The following OR2C1 variants were observed in gnomAD, a reference collection of about 807,000 sequenced individuals.
OR2C1 encodes olfactory receptor family 2 subfamily C member 1, also known as olfactory receptor 2C1.
For synonymous variants in OR2C1, 209 were observed against 167.3 expected (o/e 1.25, Z -1.92); for missense variants, 468 against 388.3 (o/e 1.21, Z -1.73).
chr16:3,330,042 C>T, the OR2C1 span, among the ~76,000 whole-genome samples: 12 of 151,424 alleles, frequency 7.9e-5, no homozygotes, highest in Middle Eastern at 3.5e-3. Flanking sequence ...CATGAGCCAC[C>T]GCGCCTGGCC....
At chr16:3,326,175 C>T in the OR2C1 span, among the ~76,000 whole-genome samples, 12 of 151,924 alleles carry the variant, frequency 7.9e-5, no homozygotes, top group South Asian at 2.1e-4. Flanking sequence ...GTGATTGGCC[C>T]GCCTCGCCCT....
the OR2C1 span, among the ~76,000 whole-genome samples, chr16:3,339,024 C>G: frequency 7.2e-5 from 11 of 152,162 alleles, no homozygotes; most frequent in Admixed American, 7.2e-4. Context: ...TTTCCCCTCC[C>G]CACAGTCCTT....
chr16:3,325,963 C>T, the OR2C1 span, among the ~76,000 whole-genome samples: 2 of 144,810 alleles, frequency 1.4e-5, no homozygotes, highest in Non-Finnish European at 3.0e-5. Context: ...CAAAGTCTCA[C>T]TCTGTTGCCC....
the OR2C1 span, among the ~76,000 whole-genome samples, chr16:3,334,749 T>G: frequency 2.0e-5 from 3 of 151,982 alleles, no homozygotes; most frequent in Admixed American, 2.0e-4. Flanking sequence ...TTTATGCCAG[T>G]ACCATGCTGA....
At chr16:3,346,624 C>CATT in the OR2C1 span, among the ~76,000 whole-genome samples, 2 of 128,054 alleles carry the variant, frequency 1.6e-5, no homozygotes, top group African/African-American at 2.9e-5. Flanking sequence ...GTCCATGCAT[C>CATT]TTTTTTTTTT....
At chr16:3,339,680 T>C in the OR2C1 span, among the ~76,000 whole-genome samples, 1 of 152,050 alleles carries the variant, frequency 6.6e-6, no homozygotes, top group Non-Finnish European at 1.5e-5. Context: ...ATGGTCTCGA[T>C]CTCTTGACCT....
the OR2C1 span, among the ~76,000 whole-genome samples, chr16:3,333,492 C>A: frequency 3.3e-5 from 5 of 151,868 alleles, no homozygotes; most frequent in Non-Finnish European, 7.4e-5. Flanking sequence ...CCCACTACCG[C>A]GCCCGGCTAG....
At chr16:3,327,924 G>T in the OR2C1 span, among the ~76,000 whole-genome samples, 1 of 151,872 alleles carries the variant, frequency 6.6e-6, no homozygotes, top group Non-Finnish European at 1.5e-5. Context: ...CTCCCTCTTA[G>T]TAAACCTGCT....
the OR2C1 span, among the ~76,000 whole-genome samples, chr16:3,329,811 G>A: frequency 1.5e-5 from 2 of 134,028 alleles, no homozygotes; most frequent in African/African-American, 5.8e-5. Flanking sequence ...CTGGAGTGCA[G>A]TGGCGCAATC....
chr16:3,349,426 C>A, the OR2C1 span, among the ~76,000 whole-genome samples: 4 of 152,140 alleles, frequency 2.6e-5, no homozygotes, highest in Non-Finnish European at 5.9e-5. Context: ...CGACCCAGTG[C>A]TACTCCAGGG....
chr16:3,322,967 T>G, the OR2C1 span: 2 of 983,416 alleles, frequency 2.0e-6, no homozygotes. Flanking sequence ...AGGCAGCCAA[T>G]GTAGAAAATG....
At chr16:3,345,411 A>G in the OR2C1 span, among the ~76,000 whole-genome samples, 32 of 152,062 alleles carry the variant, frequency 2.1e-4, no homozygotes, top group South Asian at 2.1e-3. Flanking sequence ...ACGTGAACCC[A>G]GGAGGCAGAG....
At chr16:3,344,876 C>T in the OR2C1 span, among the ~76,000 whole-genome samples, 8 of 152,082 alleles carry the variant, frequency 5.3e-5, no homozygotes, top group East Asian at 3.9e-4. Flanking sequence ...TATTATTCAG[C>T]ATTGTCAATT....
At chr16:3,352,908 A>AT (rs113431996), upstream of OR2C1, among the ~76,000 whole-genome samples, 10,864 of 150,398 alleles carry the variant, frequency 0.072, 462 homozygotes, top group African/African-American at 0.11. Context: ...CGCCCGGATA[A>AT]TTTTTTTTTA....
the OR2C1 span, among the ~76,000 whole-genome samples, chr16:3,347,271 G>T: frequency 3.7e-5 from 5 of 136,222 alleles, no homozygotes; most frequent in Non-Finnish European, 6.3e-5. Flanking sequence ...AAAAAAAGGA[G>T]CCAAGGATGG....
the OR2C1 span, chr16:3,323,017 C>A: frequency 1.3e-6 from 1 of 749,656 alleles, no homozygotes; most frequent in Non-Finnish European, 1.6e-6. Flanking sequence ...ATGAGAGGTA[C>A]TTGCCATGAA....
the OR2C1 span, among the ~76,000 whole-genome samples, chr16:3,340,762 A>G: frequency 3.3e-5 from 5 of 152,256 alleles, no homozygotes; most frequent in East Asian, 5.8e-4. Flanking sequence ...GGGGTTATTT[A>G]TGGCTATATA....
At chr16:3,352,117 A>T (rs60610964), upstream of OR2C1, among the ~76,000 whole-genome samples, 3,657 of 151,916 alleles carry the variant, frequency 0.024, 148 homozygotes, top group African/African-American at 0.08. Flanking sequence ...TGTTAAATTT[A>T]AATTTTAATT....
At chr16:3,345,004 A>T in the OR2C1 span, among the ~76,000 whole-genome samples, 1 of 152,054 alleles carries the variant, frequency 6.6e-6, no homozygotes, top group Non-Finnish European at 1.5e-5. Flanking sequence ...CATTGTTGTC[A>T]TTGTAGGAAA....
Sources: allele counts gnomAD v4.1 joint callset (sites outside exome capture counted in the v4.1 genomes callset), GRCh38; gene constraint gnomAD v4.1.1; transcripts MANE v1.5; gene names NCBI Gene and HGNC (gene_info 2026-07-23, HGNC 2026-07-21).